KLF13: variants seen among roughly 807,000 people sequenced by gnomAD.
The protein encoded by KLF13 is KLF transcription factor 13, also known as Krueppel-like factor 13.
KLF13 carries 8 observed loss-of-function variants against 16.7 expected under a neutral mutation model. The ratio of observed to expected loss-of-function variants is 0.48; its 90% CI spans 0.28 to 0.87. The LOEUF is 0.87. KLF13 is among the 40% of genes least tolerant of loss of function. KLF13 has a pLI of 0.10. For synonymous variants in KLF13, 245 were observed against 208.4 expected, an observed-to-expected ratio of 1.18 and a Z score of -1.51; for missense variants, 447 against 452.2, an observed-to-expected ratio of 0.99 and a Z score of 0.10.
intron 1 of KLF13, among the ~76,000 whole-genome samples, chr15:31,341,323 G>C (rs5014835): frequency 6.6e-6 from 1 of 152,264 alleles, no homozygotes; most frequent in Non-Finnish European, 1.5e-5. Flanking sequence ...CACCCAGTAG[G>C]AGGGGTGTGT....
chr15:31,413,187 C>CAAAAAAAAAAAAA (rs1161762538), intron 1 of KLF13, among the ~76,000 whole-genome samples: 53 of 63,296 alleles, frequency 8.4e-4, no homozygotes, highest in South Asian at 1.3e-3. Context: ...AATGAATAGA[C>CAAAAAAAAAAAAA]AAAAAAAAAA....
intron 1 of KLF13, among the ~76,000 whole-genome samples, chr15:31,432,258 C>T (rs373940922): frequency 1.3e-5 from 2 of 151,924 alleles, no homozygotes; most frequent in Non-Finnish European, 2.9e-5. Flanking sequence ...CCTTCCTGAC[C>T]GCCTCTCTCT....
downstream of KLF13, among the ~76,000 whole-genome samples, chr15:31,380,159 G>T (rs953350087): frequency 1.1e-4 from 17 of 152,160 alleles, no homozygotes; most frequent in African/African-American, 3.4e-4. Context: ...CAAAAATGTG[G>T]CTTGTGCCTG....
At chr15:31,423,898 C>T (rs564330575) in intron 1 of KLF13, among the ~76,000 whole-genome samples, 1 of 152,052 alleles carries the variant, frequency 6.6e-6, no homozygotes, top group African/African-American at 2.4e-5. Flanking sequence ...TTAAACAATA[C>T]ACTCTTGAAC....
intron 1 of KLF13, among the ~76,000 whole-genome samples, chr15:31,340,987 C>G (rs1411741940): frequency 6.6e-6 from 1 of 152,206 alleles, no homozygotes; most frequent in African/African-American, 2.4e-5. Context: ...CCCCTGTGCC[C>G]TGTGTTCATC....
intron 1 of KLF13, among the ~76,000 whole-genome samples, chr15:31,421,203 C>G (rs974133436): frequency 6.6e-6 from 1 of 152,034 alleles, no homozygotes; most frequent in Admixed American, 6.6e-5. Context: ...TAAAGACCTT[C>G]CCAGAAAAAT....
chr15:31,330,812 C>T (rs1431808474), intron 1 of KLF13, among the ~76,000 whole-genome samples: 1 of 152,230 alleles, frequency 6.6e-6, no homozygotes, highest in Non-Finnish European at 1.5e-5. Flanking sequence ...GCAGCTCGTG[C>T]TACTTTATTA....
At chr15:31,329,481 A>AG (rs918951209) in intron 1 of KLF13, among the ~76,000 whole-genome samples, 35 of 125,328 alleles carry the variant, frequency 2.8e-4, no homozygotes, top group African/African-American at 9.3e-4. Context: ...GGAATTGAGG[A>AG]GGGGGGTGGC....
At chr15:31,400,189 G>A (rs921000447) in intron 2 of KLF13, among the ~76,000 whole-genome samples, 8 of 152,214 alleles carry the variant, frequency 5.3e-5, no homozygotes, top group African/African-American at 1.7e-4. Flanking sequence ...ATGGGGAAAA[G>A]GTATTCCCAA....
chr15:31,343,283 C>T (rs1287516794), intron 1 of KLF13, among the ~76,000 whole-genome samples: 2 of 152,260 alleles, frequency 1.3e-5, no homozygotes, highest in Admixed American at 6.5e-5. Context: ...GGGGTGGCCA[C>T]ATTTGCATGT....
intron 1 of KLF13, among the ~76,000 whole-genome samples, chr15:31,383,162 A>G (rs1368993993): frequency 6.6e-6 from 1 of 152,184 alleles, no homozygotes; most frequent in Non-Finnish European, 1.5e-5. Context: ...TTGCATGCTT[A>G]CCCTGATGAA....
chr15:31,391,115 G>A (rs1334003042), upstream of KLF13, among the ~76,000 whole-genome samples: 5 of 90,450 alleles, frequency 5.5e-5, no homozygotes, highest in Admixed American at 3.0e-4. Flanking sequence ...AGTGTGGGGG[G>A]GCTGTGTGGG....
At chr15:31,332,569 A>G (rs1566801044) in intron 1 of KLF13, among the ~76,000 whole-genome samples, 1 of 152,208 alleles carries the variant, frequency 6.6e-6, no homozygotes, top group Non-Finnish European at 1.5e-5. Context: ...GATAGGACGC[A>G]GTTCATTAAA....
rs1566853273 is a variant in KLF13, at chr15:31,433,230, G to T, written n.118-2140G>T. ...CTGAGTACTGTGCCCAATGGCCAGT[G>T]AATCAGGAGTTATGCGTTCTGGCTG... On this transcript the variant is annotated intron_variant and non_coding_transcript_variant, in intron 1 of 1. Coordinates refer to the KLF13 transcript ENST00000558225. Among the ~76,000 whole-genome samples the T allele has an allele frequency of 3.3e-5, 5 of 152,276 alleles. No individual in the cohort carries two copies. In the South Asian group the frequency reaches 1.0e-3, roughly 32 times the overall value.
At chr15:31,357,422 G>A (rs1042265284) in intron 1 of KLF13, among the ~76,000 whole-genome samples, 12 of 152,236 alleles carry the variant, frequency 7.9e-5, no homozygotes, top group African/African-American at 1.2e-4. Context: ...CTCGAGCTGC[G>A]TGGGGGCTTC....
chr15:31,405,220 A>G (rs928016637), downstream of KLF13, among the ~76,000 whole-genome samples: 13 of 152,182 alleles, frequency 8.5e-5, no homozygotes, highest in Middle Eastern at 3.2e-3. Context: ...AGGCTGAGGC[A>G]GGAGAATTGC....
chr15:31,391,452 A>C (rs2039866702), upstream of KLF13, among the ~76,000 whole-genome samples: 1 of 150,020 alleles, frequency 6.7e-6, no homozygotes, highest in Non-Finnish European at 1.5e-5. Context: ...CCAAATTTCC[A>C]AAACTCCACG....
chr15:31,401,686 TG>T (rs2040039062), intron 2 of KLF13, among the ~76,000 whole-genome samples: 1 of 152,148 alleles, frequency 6.6e-6, no homozygotes, highest in Non-Finnish European at 1.5e-5. Flanking sequence ...ATTTTACAAA[TG>T]GGGAAACTGA....
At chr15:31,392,758 G>A (rs1361321477), upstream of KLF13, 2 of 152,216 alleles carry the variant, frequency 1.3e-5, no homozygotes, top group Non-Finnish European at 2.9e-5. Context: ...GGTCAGCTCG[G>A]GGCTGGGCCA....
Sources: gnomAD v4.1 joint callset for allele counts (sites outside exome capture counted in the v4.1 genomes callset) on GRCh38, gnomAD v4.1.1 for gene constraint, MANE v1.5 for transcripts, NCBI Gene and HGNC (gene_info 2026-07-23, HGNC 2026-07-21) for gene names.